Variants in UBE4B observed in about 807,000 individuals in gnomAD.
The protein encoded by UBE4B is ubiquitination factor E4B.
A neutral mutation model predicts 148.1 loss-of-function variants in UBE4B; 27 were observed. The ratio of observed to expected loss-of-function variants is 0.18; its 90% CI spans 0.13 to 0.25. The LOEUF (loss-of-function observed/expected upper bound fraction) is 0.25. Ranked by LOEUF, UBE4B falls within the 10% of genes least tolerant of loss-of-function variation. UBE4B has a pLI of 1.00. For missense variants in UBE4B, 1,170 were observed against 1,662.4 expected (o/e 0.70, Z 5.15); for synonymous variants, 596 against 619.3 (o/e 0.96, Z 0.56).
chr1:10,068,878 C>A (rs930812940), intron 1 of UBE4B, among the ~76,000 whole-genome samples: 1 of 152,224 alleles, frequency 6.6e-6, no homozygotes, highest in African/African-American at 2.4e-5. Flanking sequence ...CAGCCCAGAA[C>A]GCTGCCCCCT....
chr1:10,164,874 G>T (rs1646223329), intron 23 of UBE4B, among the ~76,000 whole-genome samples: 1 of 152,054 alleles, frequency 6.6e-6, no homozygotes, highest in Non-Finnish European at 1.5e-5. Context: ...GTGGAATTTG[G>T]TATAATAATA....
chr1:10,169,259 A>G (rs965769892), intron 24 of UBE4B, among the ~76,000 whole-genome samples: 1 of 152,180 alleles, frequency 6.6e-6, no homozygotes, highest in African/African-American at 2.4e-5. Flanking sequence ...TTCGGTAGCC[A>G]TTTGCCTATG....
At chr1:10,038,674 C>T (rs1643640672) in intron 1 of UBE4B, among the ~76,000 whole-genome samples, 1 of 152,166 alleles carries the variant, frequency 6.6e-6, no homozygotes, top group Non-Finnish European at 1.5e-5. Flanking sequence ...CTGACCCACT[C>T]TGTTTTGATA....
chr1:10,101,731 A>G (rs1645015462), intron 4 of UBE4B, among the ~76,000 whole-genome samples: 1 of 151,846 alleles, frequency 6.6e-6, no homozygotes, highest in African/African-American at 2.4e-5. Context: ...GATGGTCTTG[A>G]TCTATTGACC....
At chr1:10,072,377 C>G in intron 2 of UBE4B, 163 bp downstream of exon 2, 1 of 851,310 alleles carries the variant, frequency 1.2e-6, no homozygotes. Context: ...GTTGTGTTAT[C>G]GCTTTTTTTT....
chr1:10,076,741 CTTTTTTTTTTT>C (rs61563451), intron 2 of UBE4B, among the ~76,000 whole-genome samples: 1 of 105,866 alleles, frequency 9.4e-6, no homozygotes, highest in Non-Finnish European at 1.9e-5. Flanking sequence ...CAGTCCCAGC[CTTTTTTTTTTT>C]TTTTTTTTTT....
intron 1 of UBE4B, among the ~76,000 whole-genome samples, chr1:10,071,627 C>T (rs1300848170): frequency 6.6e-6 from 1 of 152,058 alleles, no homozygotes; most frequent in Non-Finnish European, 1.5e-5. Flanking sequence ...GCCATGTCAG[C>T]CAAGGAGGTG....
chr1:10,072,068 C>A lies in UBE4B; in HGVS notation c.65C>A (p.Thr22Asn). Residue 22 changes from threonine (T) to asparagine (N), a missense_variant, in exon 2 of 28, where the codon ACC becomes AAC. Physicochemically the swap from Thr to Asn is moderately conservative, Grantham distance 65. This residue lies in a region of UBE4B where 127 missense variants were observed against 153.2 expected (regional missense o/e 0.83). Coordinates refer to ENST00000343090, the MANE Select transcript of UBE4B (RefSeq NM_001105562.3). ...RRLARLAGGQTSQPTTPLTSP... is the reference protein window; with the variant it reads ...RRLARLAGGQNSQPTTPLTSP... ...CTTGCACGACTTGCTGGTGGACAGA[C>A]CTCTCAGCCAACCACCCCACTCACC... The A allele has an allele frequency of 6.2e-7, 1 of 1,611,726 alleles. No homozygotes were observed. Among genetic ancestry groups the A allele is most frequent in the Non-Finnish European group, 8.5e-7 (1 of 1,179,146 alleles).
At position 10,121,279 on chromosome 1, in the gene UBE4B, C is replaced by T. The variant is rs146820927; in HGVS notation, c.1440-683C>T. ...GCTGAGCAGGAGAATCACTTGAACCCGGGAGGCGGAGGTTGCAGTGAGCCG... is the reference window on the plus strand; with the variant it reads ...GCTGAGCAGGAGAATCACTTGAACCTGGGAGGCGGAGGTTGCAGTGAGCCG... On this transcript the variant is annotated intron_variant, in intron 9 of 27. Transcript: ENST00000343090. 7.3e-3 allele frequency among the ~76,000 whole-genome samples: 1,105 copies of T among 152,100 alleles called. 102 individuals carry two copies. The East Asian group carries it at 0.17, about 23-fold the overall frequency.
At chr1:10,036,581 C>T (rs1199388925) in intron 1 of UBE4B, among the ~76,000 whole-genome samples, 1 of 151,960 alleles carries the variant, frequency 6.6e-6, no homozygotes, top group Non-Finnish European at 1.5e-5. Flanking sequence ...GCGATCCTCC[C>T]ACTTCAGCCT....
chr1:10,038,819 G>C (rs891031036), intron 1 of UBE4B, among the ~76,000 whole-genome samples: 1 of 152,186 alleles, frequency 6.6e-6, no homozygotes, highest in South Asian at 2.1e-4. Context: ...AGTTGGGGCC[G>C]GGCGCGGTGG....
At chr1:10,066,095 C>G (rs1463993176) in intron 1 of UBE4B, among the ~76,000 whole-genome samples, 1 of 146,470 alleles carries the variant, frequency 6.8e-6, no homozygotes, top group Non-Finnish European at 1.5e-5. Flanking sequence ...GTACCTCCCT[C>G]CCTTTGTACC....
chr1:10,100,979 A>G, intron 3 of UBE4B, 129 bp from the exon 4 acceptor site: 2 of 729,190 alleles, frequency 2.7e-6, no homozygotes, highest in South Asian at 3.9e-5. Context: ...AATAAGAAAA[A>G]AGATGGACCA....
In UBE4B at chr1:10,070,211, T is replaced by A. The variant is rs370417352; in HGVS notation, c.25-1817T>A. On this transcript the variant is annotated intron_variant, in intron 1 of 27. Coordinates refer to ENST00000343090, the MANE Select transcript of UBE4B (RefSeq NM_001105562.3). ...ATCGCATGAACCTGGGAGGGGGAGG[T>A]TGCAGTGAGCCGAGATGGTGCCATT... Among the ~76,000 whole-genome samples the A allele has an allele frequency of 3.1e-4, 46 of 149,632 alleles. 3 individuals are homozygous for A. In the South Asian group the frequency reaches 9.6e-3, roughly 31 times the overall value.
chr1:10,076,306 G>A (rs1644579900), intron 2 of UBE4B, among the ~76,000 whole-genome samples: 1 of 147,394 alleles, frequency 6.8e-6, no homozygotes, highest in South Asian at 2.1e-4. Flanking sequence ...GTGCAATGAC[G>A]TGATCTTGGC....
intron 1 of UBE4B, chr1:10,054,584 C>A: frequency 3.5e-6 from 1 of 282,220 alleles, no homozygotes. Context: ...GGAAATGATG[C>A]TGGCCTTTAG....
intron 21 of UBE4B, among the ~76,000 whole-genome samples, chr1:10,154,062 A>G (rs555813012): frequency 4.0e-5 from 6 of 151,544 alleles, no homozygotes; most frequent in African/African-American, 1.5e-4. Flanking sequence ...AGCCTGGGCA[A>G]CAAGAGCAAA....
intron 1 of UBE4B, among the ~76,000 whole-genome samples, chr1:10,057,929 T>C (rs1226809562): frequency 6.6e-6 from 1 of 151,962 alleles, no homozygotes; most frequent in Non-Finnish European, 1.5e-5. Context: ...GGAGGGTATG[T>C]AGGTAAAGAG....
intron 27 of UBE4B, 22 bp from the exon 28 acceptor site, chr1:10,179,873 C>A (rs182207436): frequency 6.2e-7 from 1 of 1,613,112 alleles, no homozygotes; most frequent in Admixed American, 1.7e-5. Context: ...GGGCATTAAT[C>A]CTCCTTTTTT....
Sources: gnomAD v4.1 joint callset for allele counts (sites outside exome capture counted in the v4.1 genomes callset) on GRCh38, gnomAD v4.1.1 for gene constraint, gnomAD v4.1.1 regional missense constraint, MANE v1.5 for transcripts, NCBI Gene and HGNC (gene_info 2026-07-23, HGNC 2026-07-21) for gene names.